IGFBP7: variants seen among roughly 807,000 people sequenced by gnomAD.
IGFBP7 encodes insulin like growth factor binding protein 7.
Under a neutral mutation model 29.4 loss-of-function variants are expected in IGFBP7, and 31 were observed. The observed-to-expected ratio is 1.05, with a 90% CI of 0.79 to 1.42. The LOEUF is 1.42. Among genes scored for constraint, IGFBP7 ranks in the 40% most tolerant of loss-of-function variants. IGFBP7 has a pLI of 0.00. For missense variants in IGFBP7, 393 were observed against 395.5 expected (o/e 0.99, Z 0.05); for synonymous variants, 172 against 174.9 (o/e 0.98, Z 0.13).
At chr4:57,105,183 A>T (rs890423648) in intron 1 of IGFBP7, among the ~76,000 whole-genome samples, 2 of 152,178 alleles carry the variant, frequency 1.3e-5, no homozygotes, top group Non-Finnish European at 2.9e-5. Context: ...CGTTCTTAGC[A>T]TGGCTCTACT....
At chr4:57,088,714 T>C (rs1234943466) in intron 1 of IGFBP7, among the ~76,000 whole-genome samples, 1 of 151,980 alleles carries the variant, frequency 6.6e-6, no homozygotes, top group Non-Finnish European at 1.5e-5. Context: ...ACTTTAAAGA[T>C]GACAAAACTG....
intron 1 of IGFBP7, among the ~76,000 whole-genome samples, chr4:57,099,848 C>T (rs1725850585): frequency 6.6e-6 from 1 of 151,626 alleles, no homozygotes; most frequent in African/African-American, 2.4e-5. Flanking sequence ...CCTCACACCT[C>T]AGCCTCCCAA....
At chr4:57,095,830 G>A (rs181718991) in intron 1 of IGFBP7, among the ~76,000 whole-genome samples, 465 of 152,256 alleles carry the variant, frequency 3.1e-3, no homozygotes, top group Admixed American at 5.9e-3. Context: ...GAGCAGAGCC[G>A]CCTCTCCCTA....
chr4:57,095,423 T>G (rs953071882), intron 1 of IGFBP7, among the ~76,000 whole-genome samples: 9 of 152,190 alleles, frequency 5.9e-5, no homozygotes, highest in African/African-American at 2.2e-4. Context: ...ACTTATGCCT[T>G]CCTCTGCTAC....
chr4:57,072,346 G>A (rs1221079836), intron 1 of IGFBP7, among the ~76,000 whole-genome samples: 4 of 152,058 alleles, frequency 2.6e-5, no homozygotes, highest in African/African-American at 7.2e-5. Context: ...TTTTATGGCT[G>A]CAGATACCCT....
At chr4:57,082,180 G>C (rs952450276) in intron 1 of IGFBP7, among the ~76,000 whole-genome samples, 3 of 152,066 alleles carry the variant, frequency 2.0e-5, no homozygotes, top group Non-Finnish European at 4.4e-5. Context: ...AGGTCCTTTG[G>C]GGTCAAGAAT....
At chr4:57,090,026 C>G (rs951813247) in intron 1 of IGFBP7, among the ~76,000 whole-genome samples, 5 of 152,158 alleles carry the variant, frequency 3.3e-5, no homozygotes, top group Admixed American at 6.5e-5. Flanking sequence ...AAAGCCACAC[C>G]AGAAACCATC....
intron 1 of IGFBP7, among the ~76,000 whole-genome samples, chr4:57,081,640 C>T (rs1020443115): frequency 2.6e-5 from 4 of 151,968 alleles, no homozygotes; most frequent in Admixed American, 6.6e-5. Context: ...GTAGCCCAAA[C>T]ACAAGCAGAA....
At chr4:57,060,233 C>G (rs1275960754) in intron 1 of IGFBP7, among the ~76,000 whole-genome samples, 1 of 152,150 alleles carries the variant, frequency 6.6e-6, no homozygotes, top group Non-Finnish European at 1.5e-5. Context: ...TGCTTGTTCT[C>G]GAGTCCAATA....
At chr4:57,106,318 T>A (rs1278818955) in intron 1 of IGFBP7, among the ~76,000 whole-genome samples, 1 of 152,126 alleles carries the variant, frequency 6.6e-6, no homozygotes, top group Non-Finnish European at 1.5e-5. Flanking sequence ...GAACACTCAA[T>A]CATCATGCTT....
rs1035969695 is a variant in IGFBP7 at position 57,109,958 on chromosome 4, G to C, written c.394C>G (p.Gln132Glu). 2 of 1,551,818 alleles carry C rather than the reference G, an allele frequency of 1.3e-6. No homozygotes were observed. Among genetic ancestry groups the C allele is most frequent in the Non-Finnish European group, 1.7e-6 (2 of 1,154,902 alleles). Residue 132 changes from glutamine to glutamate, a missense_variant, in exon 1 of 5, where the codon CAG (glutamine) becomes GAG (glutamate). Physicochemically the swap from Gln to Glu is conservative, Grantham distance 29. Coordinates refer to ENST00000295666, the MANE Select transcript of IGFBP7 (RefSeq NM_001553.3). ...SDGTTYPSGC[Q>E]LRAASQRAES... ...GCCCTCTGGCTGGCGGCGCGCAGCT[G>C]GCAGCCGCTCGGGTAGGTGGTGCCG...
intron 1 of IGFBP7, among the ~76,000 whole-genome samples, chr4:57,102,402 C>G (rs1182545285): frequency 6.6e-6 from 1 of 152,050 alleles, no homozygotes; most frequent in Non-Finnish European, 1.5e-5. Context: ...AAATCCTCCC[C>G]CAGATGTGGC....
intron 1 of IGFBP7, among the ~76,000 whole-genome samples, chr4:57,081,043 G>A (rs1725353882): frequency 6.6e-6 from 1 of 152,124 alleles, no homozygotes; most frequent in African/African-American, 2.4e-5. Flanking sequence ...TTCCTTTCCT[G>A]GAAGTCAACA....
intron 1 of IGFBP7, among the ~76,000 whole-genome samples, chr4:57,065,814 T>C (rs961910097): frequency 6.6e-6 from 1 of 152,198 alleles, no homozygotes; most frequent in Non-Finnish European, 1.5e-5. Flanking sequence ...ACTTCTCTGG[T>C]GGCCTCCTGG....
intron 1 of IGFBP7, among the ~76,000 whole-genome samples, chr4:57,071,863 C>G (rs1450429590): frequency 3.3e-5 from 5 of 152,112 alleles, no homozygotes. Context: ...AGGCTTGGTG[C>G]AGTGGCTCAT....
Position 57,110,327 on chromosome 4 carries a change from G to C in IGFBP7, c.25C>G (p.Leu9Val). 1 of 1,395,526 alleles carries C rather than the reference G, an allele frequency of 7.2e-7. No individual in the cohort carries two copies. The highest frequency in any genetic ancestry group is 1.5e-5 in the South Asian group (1 of 65,636). 86.4% of individuals were successfully genotyped at this position (1,395,526 alleles called of 1,614,324 possible). ...AGCAGCCCAGCGGCGCCGAGGAGCA[G>C]GGCGCGCAGCGACGGCCGCTCCATG... is the stretch of plus-strand genomic sequence containing the variant. The part of the protein sequence containing the change: MERPSLRA[L>V]LLGAAGLLLL... The change falls in exon 1 of 5, where the codon CTG becomes GTG. Residue 9 changes from leucine to valine, a missense_variant. Physicochemically the swap from Leu to Val is conservative, Grantham distance 32. Coordinates refer to ENST00000295666, the MANE Select transcript of IGFBP7 (RefSeq NM_001553.3).
At chr4:57,109,746 C>T in intron 1 of IGFBP7, 131 bp downstream of exon 1, 1 of 1,148,948 alleles carries the variant, frequency 8.7e-7, no homozygotes, top group Non-Finnish European at 1.2e-6. Context: ...TCCCTCCCAT[C>T]TGGCTCCTGG....
chr4:57,072,820 C>A, intron 1 of IGFBP7: 1 of 573,480 alleles, frequency 1.7e-6, no homozygotes. Context: ...CATATGAAGA[C>A]CTGAGGTATA....
intron 1 of IGFBP7, among the ~76,000 whole-genome samples, chr4:57,101,215 G>T (rs1428645172): frequency 3.3e-5 from 5 of 152,214 alleles, no homozygotes; most frequent in Admixed American, 6.5e-5. Flanking sequence ...TTTTGAGGGG[G>T]TTGTTTTTTC....
Sources: allele counts gnomAD v4.1 joint callset (sites outside exome capture counted in the v4.1 genomes callset), GRCh38; gene constraint gnomAD v4.1.1; transcripts MANE v1.5; gene names NCBI Gene and HGNC (gene_info 2026-07-23, HGNC 2026-07-21).